PCDH17: variants seen among roughly 807,000 people sequenced by gnomAD.
PCDH17 encodes the protein protocadherin-17.
PCDH17 carries 21 observed loss-of-function variants against 67.7 expected under a neutral mutation model. The observed-to-expected ratio is 0.31, with a 90% CI of 0.22 to 0.45. The LOEUF (loss-of-function observed/expected upper bound fraction) is 0.45. PCDH17 is among the 20% of genes least tolerant of loss of function. The pLI, the probability that PCDH17 is intolerant of heterozygous loss-of-function variation, is 1.00. For missense variants in PCDH17, 1,471 were observed against 1,564.8 expected (o/e 0.94, Z 1.01); for synonymous variants, 701 against 656.7 (o/e 1.07, Z -1.03).
At chr13:57,655,839 T>C (rs994181429) in intron 1 of PCDH17, among the ~76,000 whole-genome samples, 6 of 147,886 alleles carry the variant, frequency 4.1e-5, no homozygotes, top group Admixed American at 1.4e-4. Context: ...ATAGTAGTTC[T>C]AGTTTTATTT....
At chr13:57,667,893 ATT>A (rs953427168) in intron 3 of PCDH17, among the ~76,000 whole-genome samples, 3 of 148,226 alleles carry the variant, frequency 2.0e-5, no homozygotes, top group Non-Finnish European at 4.5e-5. Context: ...ATTTATATAT[ATT>A]TTTTAAAACA....
chr13:57,654,374 AG>A (rs1955079369), intron 1 of PCDH17, among the ~76,000 whole-genome samples: 3 of 151,174 alleles, frequency 2.0e-5, no homozygotes, highest in South Asian at 4.1e-4. Flanking sequence ...ATTGTTGTAA[AG>A]CATGACTGTT....
intron 3 of PCDH17, 37 bp from the exon 4 acceptor site, chr13:57,724,575 A>T (rs1955896771): frequency 6.5e-7 from 1 of 1,541,830 alleles, no homozygotes; most frequent in African/African-American, 1.4e-5. Context: ...AGAAAACTCT[A>T]ATGATTGGAT....
intron 1 of PCDH17, among the ~76,000 whole-genome samples, chr13:57,643,550 A>T (rs1444873578): frequency 6.6e-6 from 1 of 151,652 alleles, no homozygotes; most frequent in Non-Finnish European, 1.5e-5. Context: ...GTCCCACCAG[A>T]ATTCATGCCT....
intron 3 of PCDH17, among the ~76,000 whole-genome samples, chr13:57,691,104 C>G (rs1955554414): frequency 6.6e-6 from 1 of 150,980 alleles, no homozygotes; most frequent in African/African-American, 2.4e-5. Flanking sequence ...TTGGTGACTA[C>G]CAATTCATTA....
intron 3 of PCDH17, among the ~76,000 whole-genome samples, chr13:57,673,502 C>T (rs9591823): frequency 0.22 from 33,736 of 151,790 alleles, 5,681 homozygotes; most frequent in African/African-American, 0.48. Context: ...ACCACTTCCA[C>T]GTAACCAAGA....
At chr13:57,706,339 G>A (rs1955721266) in intron 3 of PCDH17, among the ~76,000 whole-genome samples, 1 of 151,992 alleles carries the variant, frequency 6.6e-6, no homozygotes, top group African/African-American at 2.4e-5. Flanking sequence ...ATTTAATTTT[G>A]TCATTTCAGT....
intron 1 of PCDH17, among the ~76,000 whole-genome samples, chr13:57,639,131 C>T (rs1954860545): frequency 6.6e-6 from 1 of 151,766 alleles, no homozygotes; most frequent in South Asian, 2.1e-4. Context: ...AAGGAATGTC[C>T]CTTTCTTACT....
At chr13:57,724,037 A>G (rs1234271761) in intron 3 of PCDH17, among the ~76,000 whole-genome samples, 3 of 152,184 alleles carry the variant, frequency 2.0e-5, no homozygotes, top group Admixed American at 6.5e-5. Context: ...AAGCTTATTC[A>G]TAATACGTCC....
At chr13:57,654,660 C>T (rs34591530) in intron 1 of PCDH17, among the ~76,000 whole-genome samples, 13,627 of 151,878 alleles carry the variant, frequency 0.09, 820 homozygotes, top group Admixed American at 0.14. Context: ...ATAAAGAGTA[C>T]AGAGATTTCA....
At chr13:57,695,734 A>G (rs1955600611) in intron 3 of PCDH17, among the ~76,000 whole-genome samples, 1 of 151,332 alleles carries the variant, frequency 6.6e-6, no homozygotes, top group Non-Finnish European at 1.5e-5. Flanking sequence ...TGCCACTACC[A>G]CGTCTCTACT....
intron 3 of PCDH17, among the ~76,000 whole-genome samples, chr13:57,691,388 A>G (rs1441816510): frequency 6.6e-6 from 1 of 151,232 alleles, no homozygotes; most frequent in Non-Finnish European, 1.5e-5. Flanking sequence ...ATATTTCAGG[A>G]CAAATCTGAA....
At chr13:57,674,761 T>C (rs538415728) in intron 3 of PCDH17, among the ~76,000 whole-genome samples, 3 of 152,158 alleles carry the variant, frequency 2.0e-5, no homozygotes, top group Admixed American at 6.6e-5. Context: ...GAAATAATTT[T>C]GTTAATTTAA....
At chr13:57,668,941 A>G (rs1488243511) in intron 3 of PCDH17, among the ~76,000 whole-genome samples, 3 of 152,206 alleles carry the variant, frequency 2.0e-5, no homozygotes, top group African/African-American at 7.2e-5. Flanking sequence ...TGCTGTACCC[A>G]TTAACTCGTC....
At position 57,634,313 on chromosome 13, in the gene PCDH17, G is replaced by C; in HGVS notation, c.1767G>C (p.Gln589His). The C allele has an allele frequency of 6.2e-7, 1 of 1,613,014 alleles. No individual in the cohort carries two copies. Residue 589 changes from glutamine (Q) to histidine (H), a missense_variant, in exon 1 of 4, where the codon CAG becomes CAC. Gln to His is a conservative substitution (Grantham distance 24). Coordinates refer to ENST00000377918, the MANE Select transcript of PCDH17 (RefSeq NM_001040429.3). This position sits in a 1 kb window ranked among gnomAD's most constrained non-coding sequence, Gnocchi z 7.8. ...NAPVIVLPTL[Q>H]NDTAELQVPR... ...CAGTGATCGTGCTCCCCACGCTGCA[G>C]AACGACACCGCGGAGCTGCAGGTGC...
intron 3 of PCDH17, among the ~76,000 whole-genome samples, chr13:57,676,694 C>T (rs543921913): frequency 2.6e-5 from 4 of 151,934 alleles, no homozygotes; most frequent in African/African-American, 9.6e-5. Context: ...AAGAAAAATA[C>T]TCAGTATGTT....
chr13:57,713,887 A>G (rs1459947578), intron 3 of PCDH17, among the ~76,000 whole-genome samples: 1 of 151,470 alleles, frequency 6.6e-6, no homozygotes, highest in Non-Finnish European at 1.5e-5. Context: ...AACCTTTTGT[A>G]TTACTTCTTT....
chr13:57,685,880 GTTCAAGACCAA>G (rs1955501507), intron 3 of PCDH17, among the ~76,000 whole-genome samples: 1 of 151,960 alleles, frequency 6.6e-6, no homozygotes, highest in South Asian at 2.1e-4. Flanking sequence ...GAAGGCAGGA[GTTCAAGACCAA>G]CCTGGGCAAC....
chr13:57,640,114 G>T (rs554444963), intron 1 of PCDH17, among the ~76,000 whole-genome samples: 18 of 151,726 alleles, frequency 1.2e-4, no homozygotes, highest in Non-Finnish European at 2.4e-4. Flanking sequence ...AAAATTTCAG[G>T]TAATATTTAA....
Sources: allele counts gnomAD v4.1 joint callset (sites outside exome capture counted in the v4.1 genomes callset), GRCh38; gene constraint gnomAD v4.1.1; non-coding constraint Gnocchi (gnomAD v3.1); transcripts MANE v1.5; gene names NCBI Gene and HGNC (gene_info 2026-07-23, HGNC 2026-07-21).